RSRC1: variants seen among roughly 807,000 people sequenced by gnomAD.
The protein encoded by RSRC1 is arginine and serine rich coiled-coil 1, also known as serine/Arginine-related protein 53.
In RSRC1, 39 loss-of-function variants were observed where a neutral mutation model predicts 49.1. That is an observed-to-expected ratio of 0.79 (90% CI 0.61 to 1.04). The LOEUF (loss-of-function observed/expected upper bound fraction) is 1.04, where lower values mean the gene tolerates loss of function less well. RSRC1 is among the 50% of genes least tolerant of loss of function. The pLI, the probability that RSRC1 is intolerant of heterozygous loss-of-function variation, is 0.00. For missense variants in RSRC1, 388 were observed against 402.4 expected (o/e 0.96, Z 0.31); for synonymous variants, 143 against 130.8 (o/e 1.09, Z -0.63).
intron 7 of RSRC1, among the ~76,000 whole-genome samples, chr3:158,504,384 C>A (rs1739757595): frequency 6.6e-6 from 1 of 152,202 alleles, no homozygotes; most frequent in Admixed American, 6.5e-5. Flanking sequence ...GCAGTCTAGT[C>A]CTGCTTCCCA....
At chr3:158,347,402 A>C (rs749515995) in intron 5 of RSRC1, among the ~76,000 whole-genome samples, 24 of 152,224 alleles carry the variant, frequency 1.6e-4, no homozygotes, top group Non-Finnish European at 3.4e-4. Flanking sequence ...TCAACTATAC[A>C]TTCTCTTCAA....
At chr3:158,218,117 T>C (rs574104828) in intron 4 of RSRC1, among the ~76,000 whole-genome samples, 29 of 151,724 alleles carry the variant, frequency 1.9e-4, no homozygotes, top group African/African-American at 7.0e-4. Flanking sequence ...GGGGCTAGAC[T>C]ATGCAGGGCC....
intron 6 of RSRC1, among the ~76,000 whole-genome samples, chr3:158,420,005 C>T (rs1430789317): frequency 1.3e-5 from 2 of 151,824 alleles, no homozygotes; most frequent in East Asian, 3.9e-4. Context: ...CCCTCTCTCC[C>T]TCACTGCTCT....
At chr3:158,321,797 T>C in intron 5 of RSRC1, among the ~76,000 whole-genome samples, 1 of 152,280 alleles carries the variant, frequency 6.6e-6, no homozygotes, top group Non-Finnish European at 1.5e-5. Context: ...CATAATGTAC[T>C]TATTTCTAAT....
At chr3:158,294,438 T>G (rs2108110303) in intron 4 of RSRC1, among the ~76,000 whole-genome samples, 1 of 152,208 alleles carries the variant, frequency 6.6e-6, no homozygotes, top group East Asian at 1.9e-4. Context: ...GTTTACATTC[T>G]TGTTTAGTTT....
chr3:158,464,475 A>G (rs1737775977), intron 7 of RSRC1, among the ~76,000 whole-genome samples: 1 of 152,136 alleles, frequency 6.6e-6, no homozygotes, highest in South Asian at 2.1e-4. Context: ...CAAAAGTGTT[A>G]GGCAGCCCTT....
At chr3:158,120,854 G>GT (rs1465113370) in intron 1 of RSRC1, among the ~76,000 whole-genome samples, 2 of 150,476 alleles carry the variant, frequency 1.3e-5, no homozygotes, top group Non-Finnish European at 3.0e-5. Context: ...AATGGATCTT[G>GT]TTTTTATATG....
intron 3 of RSRC1, among the ~76,000 whole-genome samples, chr3:158,164,500 A>G (rs1384100484): frequency 3.3e-5 from 5 of 152,098 alleles, no homozygotes; most frequent in Non-Finnish European, 7.4e-5. Context: ...AAAAAGAATG[A>G]TTTTATATTG....
chr3:158,500,312 C>T (rs937607918), intron 7 of RSRC1, among the ~76,000 whole-genome samples: 33 of 151,974 alleles, frequency 2.2e-4, no homozygotes, highest in African/African-American at 5.8e-4. Context: ...TCAAGGATAT[C>T]GGTCTGTAGT....
intron 4 of RSRC1, among the ~76,000 whole-genome samples, chr3:158,245,195 G>C (rs1723824429): frequency 6.6e-6 from 1 of 151,032 alleles, no homozygotes; most frequent in Non-Finnish European, 1.5e-5. Flanking sequence ...TGCTTTAGTT[G>C]TGACCCAGAG....
chr3:158,455,613 GTTC>G (rs1737268431), intron 6 of RSRC1, among the ~76,000 whole-genome samples: 2 of 152,200 alleles, frequency 1.3e-5, no homozygotes, highest in Non-Finnish European at 2.9e-5. Context: ...CTCTGCAGCT[GTTC>G]TTCTGATCTC....
intron 7 of RSRC1, among the ~76,000 whole-genome samples, chr3:158,481,749 G>A (rs965951729): frequency 1.3e-5 from 2 of 152,008 alleles, no homozygotes; most frequent in Non-Finnish European, 2.9e-5. Flanking sequence ...AATGTTGAAA[G>A]CTTCTTGAAG....
chr3:158,364,931 A>T (rs1296696363), intron 6 of RSRC1, among the ~76,000 whole-genome samples: 3 of 151,438 alleles, frequency 2.0e-5, no homozygotes, highest in Admixed American at 1.3e-4. Context: ...AATAATGTGT[A>T]CCTTATAGAG....
chr3:158,529,367 G>A (rs1271262586), intron 7 of RSRC1, among the ~76,000 whole-genome samples: 1 of 151,678 alleles, frequency 6.6e-6, no homozygotes, highest in Non-Finnish European at 1.5e-5. Context: ...TTGCTTGGCA[G>A]GAGTGGGTAA....
At chr3:158,202,386 T>G (rs908933544) in intron 3 of RSRC1, among the ~76,000 whole-genome samples, 1 of 151,290 alleles carries the variant, frequency 6.6e-6, no homozygotes, top group Non-Finnish European at 1.5e-5. Flanking sequence ...CTCATCTTCA[T>G]GTTGAATAGG....
At chr3:158,416,177 T>C (rs990413937) in intron 6 of RSRC1, among the ~76,000 whole-genome samples, 1 of 141,932 alleles carries the variant, frequency 7.0e-6, no homozygotes, top group Non-Finnish European at 1.6e-5. Flanking sequence ...TAGAGTCTTC[T>C]ATTTTTTTTT....
Position 158,414,532 on chromosome 3 carries a change from C to A in RSRC1, c.584-46403C>A, listed in dbSNP as rs1734640059. ...CTGTGTAACAAACCTGCACATCCAG[C>A]ACGTGTATTCCAGAACTTAGAATTA... On this transcript the variant is annotated intron_variant, in intron 6 of 9. Coordinates refer to ENST00000611884, the MANE Select transcript of RSRC1 (RefSeq NM_001271838.2). Among the ~76,000 whole-genome samples, 2 of 152,086 alleles carry A rather than the reference C, an allele frequency of 1.3e-5. 1 individual carries two copies. Among genetic ancestry groups the A allele is most frequent in the South Asian group, 4.1e-4 (2 of 4,822 alleles).
intron 6 of RSRC1, among the ~76,000 whole-genome samples, chr3:158,371,358 CATTCCCCCAA>C (rs1454510016): frequency 6.6e-6 from 1 of 151,744 alleles, no homozygotes; most frequent in Non-Finnish European, 1.5e-5. Flanking sequence ...ATAATCCTAT[CATTCCCCCAA>C]ATTCCCCCAT....
At chr3:158,299,551 G>T (rs1430492199) in intron 5 of RSRC1, among the ~76,000 whole-genome samples, 1 of 151,938 alleles carries the variant, frequency 6.6e-6, no homozygotes, top group East Asian at 1.9e-4. Context: ...AGCCAGGCTG[G>T]TCTCAAACAC....
Sources: allele counts gnomAD v4.1 joint callset (sites outside exome capture counted in the v4.1 genomes callset), GRCh38; gene constraint gnomAD v4.1.1; transcripts MANE v1.5; gene names NCBI Gene and HGNC (gene_info 2026-07-23, HGNC 2026-07-21).